SIDT1: variants seen among roughly 807,000 people sequenced by gnomAD.
The protein encoded by SIDT1 is SID1 transmembrane family, member 1.
A neutral mutation model predicts 107.5 loss-of-function variants in SIDT1; 101 were observed. That is an observed-to-expected ratio of 0.94 (90% CI 0.80 to 1.11). The LOEUF (loss-of-function observed/expected upper bound fraction) is 1.11, where lower values mean the gene tolerates loss of function less well. Among genes scored for constraint, SIDT1 ranks in the 50% least tolerant of loss-of-function variants. SIDT1 has a pLI of 0.00. For missense variants in SIDT1, 1,076 were observed against 1,058.2 expected, an observed-to-expected ratio of 1.02 and a Z score of -0.23; for synonymous variants, 395 against 398.2, an observed-to-expected ratio of 0.99 and a Z score of 0.10.
intron 1 of SIDT1, among the ~76,000 whole-genome samples, chr3:113,544,976 G>A (rs539233855): frequency 2.6e-5 from 4 of 152,000 alleles, no homozygotes; most frequent in Middle Eastern, 3.4e-3. Context: ...TTAGCTGGGC[G>A]TGGTGGCGTG....
intron 3 of SIDT1, among the ~76,000 whole-genome samples, chr3:113,574,448 G>A (rs1159196968): frequency 6.6e-6 from 1 of 152,228 alleles, no homozygotes; most frequent in African/African-American, 2.4e-5. Context: ...TGCACACTGT[G>A]CTCTGTGCTA....
At chr3:113,591,501 C>T (rs1205504185) in intron 9 of SIDT1, among the ~76,000 whole-genome samples, 2 of 150,878 alleles carry the variant, frequency 1.3e-5, no homozygotes, top group Admixed American at 1.3e-4. Flanking sequence ...AAAAGAAGAA[C>T]GTTAAAGGAT....
At chr3:113,602,455 G>A (rs1945026733) in intron 11 of SIDT1, 1 of 152,282 alleles carries the variant, frequency 6.6e-6, no homozygotes, top group African/African-American at 2.4e-5. Flanking sequence ...TGCCCATCAA[G>A]CTGCATAAAT....
downstream of SIDT1, among the ~76,000 whole-genome samples, chr3:113,629,958 G>T (rs1377437688): frequency 1.3e-5 from 2 of 152,204 alleles, no homozygotes; most frequent in Non-Finnish European, 2.9e-5. Flanking sequence ...CCAGTCTCAC[G>T]GTTGGAGGAC....
In SIDT1 at chr3:113,604,996, C is replaced by A. The variant is rs1945222287; in HGVS notation, c.1404+20C>A. ...CAGACAGTAAGTGCTGCCCCAGCCC[C>A]AGCCCCAGAGTCCCAGCTTTCTTTC... is the stretch of plus-strand genomic sequence containing the variant. On this transcript the variant is annotated intron_variant, in intron 14 of 24. Transcript: ENST00000264852. 1 of 1,613,486 alleles carries A rather than the reference C, an allele frequency of 6.2e-7. No homozygotes were observed. Among genetic ancestry groups the A allele is most frequent in the Non-Finnish European group, 8.5e-7 (1 of 1,179,954 alleles).
intron 1 of SIDT1, among the ~76,000 whole-genome samples, chr3:113,550,262 C>T (rs1427241009): frequency 6.6e-6 from 1 of 152,208 alleles, no homozygotes; most frequent in African/African-American, 2.4e-5. Flanking sequence ...GATTCTCCCT[C>T]TTTTCTGGGT....
intron 1 of SIDT1, among the ~76,000 whole-genome samples, chr3:113,556,180 ATCTT>A (rs1279159300): frequency 6.6e-6 from 1 of 152,218 alleles, no homozygotes. Context: ...AGGTCTATAT[ATCTT>A]TCTTTATTAT....
intron 18 of SIDT1, among the ~76,000 whole-genome samples, chr3:113,611,838 C>T (rs939938811): frequency 6.6e-6 from 1 of 152,074 alleles, no homozygotes; most frequent in African/African-American, 2.4e-5. Flanking sequence ...ACTTTAGACC[C>T]GTTGCCCCTT....
chr3:113,533,318 CCTGGG>C, intron 1 of SIDT1, 75 bp downstream of exon 1: 1 of 1,192,174 alleles, frequency 8.4e-7, no homozygotes, highest in Non-Finnish European at 1.1e-6. Context: ...TTTGGAGTCC[CCTGGG>C]AATTGACCTT....
At chr3:113,632,549 AGGGGG>A (rs1355275723), downstream of SIDT1, among the ~76,000 whole-genome samples, 1 of 152,180 alleles carries the variant, frequency 6.6e-6, no homozygotes, top group Non-Finnish European at 1.5e-5. Flanking sequence ...AAGCTTTTTG[AGGGGG>A]TGCATTTCCC....
chr3:113,560,288 C>T (rs1436363327), intron 1 of SIDT1, among the ~76,000 whole-genome samples: 1 of 152,212 alleles, frequency 6.6e-6, no homozygotes, highest in Non-Finnish European at 1.5e-5. Context: ...GGGGTAATCA[C>T]GTTGTCCTCT....
intron 14 of SIDT1, among the ~76,000 whole-genome samples, chr3:113,605,851 A>G (rs1945289007): frequency 6.6e-6 from 1 of 151,930 alleles, no homozygotes; most frequent in South Asian, 2.1e-4. Context: ...CAAAAATACA[A>G]AAAAATTAGC....
Position 113,533,237 on chromosome 3 carries a change from C to T in SIDT1, c.216C>T (p.Pro72=). ...NIYSFNYTSQ[P]DQVTAVRVYV... ...ACTCTTTCAACTACACCAGCCAGCC[C>T]GACCAGGTAAGACACTCGCTCCCCT... The change falls in exon 1 of 25, where the codon CCC becomes CCT. Residue 72 remains proline, a synonymous_variant. Coordinates refer to ENST00000264852, the MANE Select transcript of SIDT1 (RefSeq NM_017699.3). 4 of 1,481,004 alleles carry T rather than the reference C, an allele frequency of 2.7e-6. No homozygotes were observed. The South Asian group carries it at 5.4e-5, about 20-fold the overall frequency. The allele number at this position is 1,481,004 out of a possible 1,614,324, so 91.7% of individuals were successfully genotyped here.
chr3:113,557,143 C>T (rs76225446), intron 1 of SIDT1, among the ~76,000 whole-genome samples: 2 of 152,256 alleles, frequency 1.3e-5, no homozygotes, highest in South Asian at 4.1e-4. Context: ...CAAGGTTCAG[C>T]ACATTTATGA....
intron 11 of SIDT1, 126 bp from the exon 12 acceptor site, chr3:113,602,879 T>G: frequency 2.4e-5 from 22 of 929,460 alleles, no homozygotes; most frequent in East Asian, 5.4e-5. Flanking sequence ...GTCTTGTGAA[T>G]GAGAAGTTCA....
intron 1 of SIDT1, among the ~76,000 whole-genome samples, chr3:113,557,029 G>C (rs1940952342): frequency 6.6e-6 from 1 of 151,912 alleles, no homozygotes; most frequent in Admixed American, 6.6e-5. Flanking sequence ...ATATTGGTCA[G>C]GCTGGTCTCG....
chr3:113,578,466 CAAA>C (rs1180260673), intron 4 of SIDT1, among the ~76,000 whole-genome samples: 23 of 75,102 alleles, frequency 3.1e-4, no homozygotes, highest in East Asian at 4.0e-4. Flanking sequence ...GACTCTGTCT[CAAA>C]AAAAAAAAAA....
Position 113,532,968 on chromosome 3 carries a change from G to C in SIDT1, c.-54G>C. On this transcript the variant is annotated 5_prime_UTR_variant, in exon 1 of 25. Coordinates refer to ENST00000264852, the MANE Select transcript of SIDT1 (RefSeq NM_017699.3). ...CGGGCTTTGGAAGGACCCTCTCTGC[G>C]CTCGCCCCCTCCCCAGGGTGGCTCC... The C allele has an allele frequency of 8.2e-7, 1 of 1,218,690 alleles. No homozygotes were observed. The highest frequency in any genetic ancestry group is 2.3e-5 in the South Asian group (1 of 43,022). The allele number at this position is 1,218,690 out of a possible 1,614,324, so 75.5% of individuals were successfully genotyped here.
At chr3:113,548,233 T>C (rs971122154) in intron 1 of SIDT1, among the ~76,000 whole-genome samples, 3 of 152,164 alleles carry the variant, frequency 2.0e-5, no homozygotes, top group Non-Finnish European at 4.4e-5. Flanking sequence ...ATGTATTTTT[T>C]ATTAACTAAA....
Sources: gnomAD v4.1 joint callset for allele counts (sites outside exome capture counted in the v4.1 genomes callset) on GRCh38, gnomAD v4.1.1 for gene constraint, MANE v1.5 for transcripts, NCBI Gene and HGNC (gene_info 2026-07-23, HGNC 2026-07-21) for gene names.